The following SLC35A1 variants were observed in gnomAD, a reference collection of about 807,000 sequenced individuals.
SLC35A1 encodes the protein CMP-sialic acid transporter.
In SLC35A1, 21 loss-of-function variants were observed where a neutral mutation model predicts 40.3. The observed-to-expected ratio is 0.52, with a 90% CI of 0.37 to 0.75. The LOEUF (loss-of-function observed/expected upper bound fraction) is 0.75. Among genes scored for constraint, SLC35A1 ranks in the 30% least tolerant of loss-of-function variants. The pLI, the probability that SLC35A1 is intolerant of heterozygous loss-of-function variation, is 0.00. For synonymous variants in SLC35A1, 146 were observed against 147.3 expected, an observed-to-expected ratio of 0.99 and a Z score of 0.06; for missense variants, 297 against 382.1, an observed-to-expected ratio of 0.78 and a Z score of 1.86.
intron 2 of SLC35A1, among the ~76,000 whole-genome samples, chr6:87,492,939 G>A (rs1464942471): frequency 6.6e-6 from 1 of 152,068 alleles, no homozygotes; most frequent in Non-Finnish European, 1.5e-5. Context: ...AGTGTCTTTT[G>A]GAGAGATACT....
chr6:87,499,853 C>T (rs1204615246), intron 2 of SLC35A1, among the ~76,000 whole-genome samples: 2 of 152,144 alleles, frequency 1.3e-5, no homozygotes, highest in Non-Finnish European at 2.9e-5. Flanking sequence ...CAGTGGCTCA[C>T]GCCTGTAATC....
chr6:87,473,110 C>T (rs1768964552), intron 1 of SLC35A1, 91 bp downstream of exon 1: 3 of 416,366 alleles, frequency 7.2e-6, no homozygotes, highest in Non-Finnish European at 1.3e-5. Context: ...GGCAGCGGAG[C>T]ACCCTGGTTG....
At chr6:87,506,253 A>C (rs1770078438) in intron 4 of SLC35A1, 129 bp from the exon 5 acceptor site, 1 of 753,998 alleles carries the variant, frequency 1.3e-6, no homozygotes. Context: ...TATTCTGTAG[A>C]ATAGCTGTGT....
intron 1 of SLC35A1, among the ~76,000 whole-genome samples, chr6:87,475,431 A>G (rs1769039967): frequency 6.6e-6 from 1 of 152,216 alleles, no homozygotes; most frequent in South Asian, 2.1e-4. Context: ...TTGTGTAGGA[A>G]AGTTTTAGAA....
At chr6:87,490,321 T>C (rs1769509938) in intron 2 of SLC35A1, among the ~76,000 whole-genome samples, 1 of 150,708 alleles carries the variant, frequency 6.6e-6, no homozygotes, top group Non-Finnish European at 1.5e-5. Context: ...GGGTGCCTGA[T>C]ATATATTGTC....
intron 2 of SLC35A1, among the ~76,000 whole-genome samples, chr6:87,485,718 C>T (rs1769371568): frequency 6.6e-6 from 1 of 151,838 alleles, no homozygotes; most frequent in Admixed American, 6.6e-5. Flanking sequence ...ATGATTGTAC[C>T]ACTGTACTCT....
Position 87,493,654 on chromosome 6 carries a change from T to C in SLC35A1, c.195-6854T>C, listed in dbSNP as rs114081274. On this transcript the variant is annotated intron_variant, in intron 2 of 7. Transcript: ENST00000369552. ...GCTCAATCCTAGAATAGATAAGGAG[T>C]AGTTTCAGAATTTCTAATATTTACC... Among the ~76,000 whole-genome samples the C allele has an allele frequency of 5.9e-3, 893 of 152,334 alleles. 6 individuals carry two copies. The highest frequency in any genetic ancestry group is 0.019 in the African/African-American group (776 of 41,580).
intron 2 of SLC35A1, among the ~76,000 whole-genome samples, chr6:87,498,338 GATAATT>G (rs1769804668): frequency 6.6e-6 from 1 of 152,092 alleles, no homozygotes; most frequent in Admixed American, 6.5e-5. Context: ...TGATACTAGA[GATAATT>G]ATAATGTTCA....
At chr6:87,510,200 C>T (rs918289055) in intron 7 of SLC35A1, among the ~76,000 whole-genome samples, 3 of 152,156 alleles carry the variant, frequency 2.0e-5, no homozygotes, top group Non-Finnish European at 4.4e-5. Flanking sequence ...ACACTACTTA[C>T]CAACCACTTA....
chr6:87,492,238 G>A (rs1251612133), intron 2 of SLC35A1, among the ~76,000 whole-genome samples: 1 of 152,078 alleles, frequency 6.6e-6, no homozygotes, highest in Non-Finnish European at 1.5e-5. Flanking sequence ...GCCCTCCAAT[G>A]TCCTTTATAG....
At chr6:87,485,674 G>C (rs928834996) in intron 2 of SLC35A1, among the ~76,000 whole-genome samples, 6 of 151,914 alleles carry the variant, frequency 3.9e-5, no homozygotes, top group Non-Finnish European at 8.8e-5. Flanking sequence ...AAGGTGGGAG[G>C]ATTGCTTGAG....
chr6:87,495,476 A>C (rs529822876), intron 2 of SLC35A1, among the ~76,000 whole-genome samples: 1 of 152,254 alleles, frequency 6.6e-6, no homozygotes, highest in Non-Finnish European at 1.5e-5. Flanking sequence ...ATACTTATAG[A>C]TTATCCAGCT....
At chr6:87,479,349 C>G (rs1267426798) in intron 2 of SLC35A1, among the ~76,000 whole-genome samples, 2 of 152,190 alleles carry the variant, frequency 1.3e-5, no homozygotes, top group African/African-American at 4.8e-5. Context: ...AGCACTTACT[C>G]TGCACCAACC....
Position 87,478,830 on chromosome 6 carries a change from T to C in SLC35A1, c.194+1291T>C, listed in dbSNP as rs139423061. Among the ~76,000 whole-genome samples the C allele has an allele frequency of 4.7e-3, 714 of 152,302 alleles. 3 individuals are homozygous for C. The highest frequency in any genetic ancestry group is 0.015 in the South Asian group (70 of 4,826). On this transcript the variant is annotated intron_variant, in intron 2 of 7. Transcript: ENST00000369552. ...TCTCAGCAAGGCAGTTTTCCTTCTA[T>C]AGAAGGGTGTGCCCTCACAGATGGA... is the stretch of plus-strand genomic sequence containing the variant.
In SLC35A1 at chr6:87,511,899, C is replaced by G. The variant is rs1169544804; in HGVS notation, c.*373C>G. 6.7e-6 allele frequency: 2 copies of G among 297,168 alleles called. No homozygotes were observed. The highest frequency in any genetic ancestry group is 1.3e-5 in the Non-Finnish European group (2 of 153,466). The allele number at this position is 297,168 out of a possible 1,614,324, so 18.4% of individuals were successfully genotyped here. ...TTAAAGTGCCAAAGCCATTTCTGTACTAACTGTTCTCTTGTTCCGGTACCG... is the reference window on the plus strand; with the variant it reads ...TTAAAGTGCCAAAGCCATTTCTGTAGTAACTGTTCTCTTGTTCCGGTACCG... On this transcript the variant is annotated 3_prime_UTR_variant, in exon 8 of 8. Transcript: ENST00000369552.
In SLC35A1 at chr6:87,509,181, T is replaced by A; in HGVS notation, c.886+6T>A. 6.2e-7 allele frequency: 1 copy of A among 1,614,072 alleles called. No individual in the cohort carries two copies. The highest frequency in any genetic ancestry group is 2.2e-5 in the East Asian group (1 of 44,878). ...GCTGTTTGGATTACAGATAAGTATG[T>A]CTTAGTTTGTGTTGAGTTTTTAACA... On this transcript the variant is annotated splice_donor_region_variant and intron_variant, in intron 7 of 7. Coordinates refer to ENST00000369552, the MANE Select transcript of SLC35A1 (RefSeq NM_006416.5).
At position 87,501,266 on chromosome 6, in the gene SLC35A1, G is replaced by A; in HGVS notation, c.463G>A (p.Val155Ile). The change falls in exon 4 of 8, where the codon GTT becomes ATT. Residue 155 changes from valine (V) to isoleucine (I), a missense_variant. Val to Ile is a conservative substitution (Grantham distance 29, BLOSUM62 3). Transcript: ENST00000369552. The part of the protein sequence containing the change: ...WVSVFMLCAG[V>I]TLVQWKPAQA... ...TTCAGTTTTTATGCTGTGTGCTGGA[G>A]TTACGCTTGTACAGTGGAAACCAGC... is the stretch of plus-strand genomic sequence containing the variant. 5.0e-6 allele frequency: 8 copies of A among 1,614,090 alleles called. No individual in the cohort carries two copies. Among genetic ancestry groups the A allele is most frequent in the Non-Finnish European group, 6.8e-6 (8 of 1,180,018 alleles).
In SLC35A1 at chr6:87,494,663, G is replaced by GATCC. The variant is rs1350123723; in HGVS notation, c.195-5844_195-5841dup. On this transcript the variant is annotated intron_variant, in intron 2 of 7. Coordinates refer to ENST00000369552, the MANE Select transcript of SLC35A1 (RefSeq NM_006416.5). ...AATGGCCTCGATCTCCTGACCTCAT[G>GATCC]ATCCGCCTGCCTCAGCCTCCCAAAG... Among the ~76,000 whole-genome samples the GATCC allele has an allele frequency of 2.0e-5, 3 of 152,110 alleles. No individual in the cohort carries two copies. The East Asian group carries it at 5.8e-4, about 29-fold the overall frequency.
intron 2 of SLC35A1, among the ~76,000 whole-genome samples, chr6:87,496,790 A>C (rs1406243485): frequency 2.8e-5 from 4 of 144,456 alleles, no homozygotes; most frequent in Admixed American, 7.2e-5. Context: ...AAAAAAAAAA[A>C]AAAAGAAAAA....
Sources: gnomAD v4.1 joint callset for allele counts (sites outside exome capture counted in the v4.1 genomes callset) on GRCh38, gnomAD v4.1.1 for gene constraint, MANE v1.5 for transcripts, NCBI Gene and HGNC (gene_info 2026-07-23, HGNC 2026-07-21) for gene names.